The following C1QTNF3 variants were observed in gnomAD, a reference collection of about 807,000 sequenced individuals.
The protein encoded by C1QTNF3 is C1q and TNF related 3, also known as complement C1q tumor necrosis factor-related protein 3.
In C1QTNF3, 26 loss-of-function variants were observed where a neutral mutation model predicts 32.6. That is an observed-to-expected ratio of 0.80 (90% CI 0.58 to 1.11). C1QTNF3 has a LOEUF of 1.11. C1QTNF3 is among the 50% of genes least tolerant of loss of function. The probability of loss-of-function intolerance (pLI) is 0.00; values close to 1 mark genes in which losing one functional copy is unlikely to be tolerated. For synonymous variants in C1QTNF3, 155 were observed against 146.0 expected (o/e 1.06, Z -0.44); for missense variants, 362 against 398.2 (o/e 0.91, Z 0.77).
chr5:34,072,858 TATA>T, the C1QTNF3 span, among the ~76,000 whole-genome samples: 11 of 152,234 alleles, frequency 7.2e-5, no homozygotes, highest in South Asian at 2.1e-4. Flanking sequence ...GAATATTCAT[TATA>T]ATGTTTTATT....
chr5:34,056,904 C>A, the C1QTNF3 span, among the ~76,000 whole-genome samples: 1 of 152,006 alleles, frequency 6.6e-6, no homozygotes, highest in African/African-American at 2.4e-5. Flanking sequence ...AAGAAAAAAA[C>A]CGCAATTTTA....
At chr5:34,037,196 A>G (rs1364987114) in intron 1 of C1QTNF3, among the ~76,000 whole-genome samples, 1 of 152,214 alleles carries the variant, frequency 6.6e-6, no homozygotes, top group Admixed American at 6.5e-5. Context: ...CCTATTAATT[A>G]TGTCATACAA....
At chr5:34,071,141 A>G in the C1QTNF3 span, among the ~76,000 whole-genome samples, 2 of 152,330 alleles carry the variant, frequency 1.3e-5, no homozygotes, top group African/African-American at 2.4e-5. Flanking sequence ...TAAACCAAAC[A>G]TTAAAGCTTA....
the C1QTNF3 span, among the ~76,000 whole-genome samples, chr5:34,180,651 G>A: frequency 6.6e-6 from 1 of 152,424 alleles, no homozygotes; most frequent in East Asian, 1.9e-4. Context: ...TGGCCTTTAT[G>A]CTGAGTCAAG....
At chr5:34,239,770 A>C in the C1QTNF3 span, among the ~76,000 whole-genome samples, 2 of 152,054 alleles carry the variant, frequency 1.3e-5, no homozygotes, top group Non-Finnish European at 2.9e-5. Context: ...TAAACTTCAC[A>C]CTTGACCATT....
the C1QTNF3 span, chr5:34,219,861 G>A: frequency 6.6e-6 from 1 of 152,086 alleles, no homozygotes; most frequent in African/African-American, 2.4e-5. Context: ...AAAGGTTCTA[G>A]ACACAGGGGC....
the C1QTNF3 span, among the ~76,000 whole-genome samples, chr5:34,174,575 T>C: frequency 2.0e-5 from 3 of 152,092 alleles, no homozygotes; most frequent in Admixed American, 6.6e-5. Flanking sequence ...TCTTCCCCTA[T>C]AAGTAATGTA....
chr5:34,111,286 C>T, the C1QTNF3 span, among the ~76,000 whole-genome samples: 1 of 151,960 alleles, frequency 6.6e-6, no homozygotes, highest in Non-Finnish European at 1.5e-5. Context: ...TTTCCAGCCC[C>T]ATCAGATCCC....
the C1QTNF3 span, among the ~76,000 whole-genome samples, chr5:34,225,263 T>C: frequency 3.3e-5 from 5 of 151,962 alleles, no homozygotes; most frequent in Non-Finnish European, 5.9e-5. Context: ...AGATTGCTAG[T>C]AGAATTAAAT....
the C1QTNF3 span, among the ~76,000 whole-genome samples, chr5:34,241,956 GGAAGGAA>G: frequency 8.5e-4 from 86 of 100,682 alleles, 1 homozygote; most frequent in East Asian, 2.5e-3. Flanking sequence ...AGGGAGGGAA[GGAAGGAA>G]GGAAGGAAGG....
chr5:34,189,094 G>A, the C1QTNF3 span, among the ~76,000 whole-genome samples: 1 of 150,710 alleles, frequency 6.6e-6, no homozygotes, highest in Non-Finnish European at 1.5e-5. Flanking sequence ...TACTAGAGAC[G>A]GGGTTTCACT....
intron 3 of C1QTNF3, among the ~76,000 whole-genome samples, chr5:34,032,833 G>C (rs1754647837): frequency 6.6e-6 from 1 of 152,058 alleles, no homozygotes; most frequent in Non-Finnish European, 1.5e-5. Flanking sequence ...AATCTGAGTT[G>C]AGAGAAAACA....
the C1QTNF3 span, among the ~76,000 whole-genome samples, chr5:34,057,580 T>C: frequency 1.3e-5 from 2 of 152,248 alleles, no homozygotes; most frequent in Non-Finnish European, 2.9e-5. Flanking sequence ...TTCTCATTCC[T>C]ATAACAAGTT....
rs544200725 is a variant in C1QTNF3 at position 34,024,097 on chromosome 5, A to G, written c.701-89T>C. On this transcript the variant is annotated intron_variant, in intron 4 of 5. Coordinates refer to ENST00000382065, the MANE Select transcript of C1QTNF3 (RefSeq NM_181435.6). ...ACCTGGAGATTTGCCAACTGCCTTC[A>G]CATGTCTTTTATTGATATTCTTTGT... The G allele has an allele frequency of 3.0e-5, 28 of 930,692 alleles. No homozygotes were observed. The East Asian group carries it at 6.8e-4, about 23-fold the overall frequency. 57.7% of individuals were successfully genotyped at this position (930,692 alleles called of 1,614,324 possible).
chr5:34,208,705 A>C, the C1QTNF3 span, among the ~76,000 whole-genome samples: 2 of 152,208 alleles, frequency 1.3e-5, no homozygotes, highest in Non-Finnish European at 2.9e-5. Context: ...CCTAAGTTAT[A>C]CTAATGAAAA....
the C1QTNF3 span, among the ~76,000 whole-genome samples, chr5:34,172,145 G>A: frequency 6.6e-6 from 1 of 152,130 alleles, no homozygotes; most frequent in South Asian, 2.1e-4. Flanking sequence ...AAGACCCCCA[G>A]TGGTTGCCTG....
the C1QTNF3 span, among the ~76,000 whole-genome samples, chr5:34,213,097 C>T: frequency 1.3e-5 from 2 of 152,166 alleles, no homozygotes; most frequent in Non-Finnish European, 1.5e-5. Context: ...CAATAGAACA[C>T]TACCATAGGT....
At chr5:34,140,114 C>T in the C1QTNF3 span, among the ~76,000 whole-genome samples, 1 of 152,130 alleles carries the variant, frequency 6.6e-6, no homozygotes, top group Non-Finnish European at 1.5e-5. Flanking sequence ...ATACCTATGA[C>T]TCAGCGGAGA....
the C1QTNF3 span, among the ~76,000 whole-genome samples, chr5:34,056,452 GTGTA>G: frequency 7.5e-5 from 4 of 53,484 alleles, no homozygotes; most frequent in African/African-American, 2.9e-4. Context: ...GTGTGTGTGT[GTGTA>G]TATATATATA....
Sources: gnomAD v4.1 joint callset for allele counts (sites outside exome capture counted in the v4.1 genomes callset) on GRCh38, gnomAD v4.1.1 for gene constraint, MANE v1.5 for transcripts, NCBI Gene and HGNC (gene_info 2026-07-23, HGNC 2026-07-21) for gene names.